The following RALA variants were observed in gnomAD, a reference collection of about 807,000 sequenced individuals.
RALA encodes RAS like proto-oncogene A, also known as ras-related protein Ral-A.
A neutral mutation model predicts 24.0 loss-of-function variants in RALA; 5 were observed. That is an observed-to-expected ratio of 0.21 (90% CI 0.11 to 0.44). RALA has a LOEUF of 0.44. RALA is among the 20% of genes least tolerant of loss of function. The pLI, the probability that RALA is intolerant of heterozygous loss-of-function variation, is 0.99. For missense variants in RALA, 95 were observed against 241.2 expected, an observed-to-expected ratio of 0.39 and a Z score of 4.01; for synonymous variants, 77 against 83.8, an observed-to-expected ratio of 0.92 and a Z score of 0.44.
At chr7:39,703,763 T>G (rs2115560535) in intron 4 of RALA, among the ~76,000 whole-genome samples, 1 of 152,350 alleles carries the variant, frequency 6.6e-6, no homozygotes, top group Non-Finnish European at 1.5e-5. Context: ...TACTTGTATC[T>G]TTTCTCTTAC....
chr7:39,650,383 C>T (rs1476298882), intron 1 of RALA, among the ~76,000 whole-genome samples: 1 of 152,114 alleles, frequency 6.6e-6, no homozygotes, highest in Non-Finnish European at 1.5e-5. Flanking sequence ...AGTAGTGCTG[C>T]AGAGAAGCCT....
At chr7:39,646,504 G>A (rs1791925226) in intron 1 of RALA, among the ~76,000 whole-genome samples, 1 of 151,908 alleles carries the variant, frequency 6.6e-6, no homozygotes, top group Non-Finnish European at 1.5e-5. Flanking sequence ...CACATCTGTG[G>A]TCCCAGCTAC....
At chr7:39,676,844 C>T (rs1324212519) in intron 1 of RALA, among the ~76,000 whole-genome samples, 1 of 152,032 alleles carries the variant, frequency 6.6e-6, no homozygotes, top group African/African-American at 2.4e-5. Flanking sequence ...GATCTGTGGT[C>T]CGAAGCTCCT....
chr7:39,649,803 C>T (rs1392520538), intron 1 of RALA, among the ~76,000 whole-genome samples: 1 of 152,024 alleles, frequency 6.6e-6, no homozygotes, highest in Non-Finnish European at 1.5e-5. Context: ...AAAAGAGAAG[C>T]CATAATGACT....
intron 1 of RALA, among the ~76,000 whole-genome samples, chr7:39,650,973 G>C (rs970781076): frequency 2.0e-5 from 3 of 152,216 alleles, no homozygotes; most frequent in Non-Finnish European, 2.9e-5. Flanking sequence ...TAATGAGACA[G>C]AGTGCCCAGG....
chr7:39,666,378 C>T lies in RALA; in HGVS notation c.-37-20253C>T, dbSNP rs575867017. Among the ~76,000 whole-genome samples the T allele has an allele frequency of 5.9e-5, 9 of 152,206 alleles. No individual in the cohort carries two copies. In the East Asian group the frequency reaches 1.7e-3, roughly 29 times the overall value. On this transcript the variant is annotated intron_variant, in intron 1 of 4. Transcript: ENST00000005257. ...CCTGTGTGTGTTGGAAGGTGATGAA[C>T]TCAAATGGTAGGATTAGGCGTATTC...
intron 1 of RALA, among the ~76,000 whole-genome samples, chr7:39,638,912 C>G (rs1165428454): frequency 2.0e-5 from 3 of 152,162 alleles, no homozygotes; most frequent in Admixed American, 6.5e-5. Context: ...TTGTATGGTA[C>G]ATTTATGTTT....
intron 1 of RALA, among the ~76,000 whole-genome samples, chr7:39,633,650 G>A (rs1211486562): frequency 6.6e-6 from 1 of 152,186 alleles, no homozygotes; most frequent in African/African-American, 2.4e-5. Flanking sequence ...TTTGTAATTA[G>A]ATGAGTTTAT....
At chr7:39,689,254 A>G (rs922598553) in intron 2 of RALA, among the ~76,000 whole-genome samples, 13 of 152,134 alleles carry the variant, frequency 8.5e-5, no homozygotes, top group African/African-American at 2.7e-4. Context: ...CAGCCTCCCT[A>G]ACTGCTGGCA....
At chr7:39,634,529 CT>C (rs1791653083) in intron 1 of RALA, among the ~76,000 whole-genome samples, 1 of 152,186 alleles carries the variant, frequency 6.6e-6, no homozygotes, top group African/African-American at 2.4e-5. Flanking sequence ...CTTCCATCAT[CT>C]TTCTGCCTAA....
intron 1 of RALA, among the ~76,000 whole-genome samples, chr7:39,685,861 G>A (rs1450734327): frequency 2.0e-5 from 3 of 152,180 alleles, no homozygotes; most frequent in South Asian, 4.1e-4. Flanking sequence ...GAGGCATGAT[G>A]TAGTAAACAC....
At chr7:39,651,849 GT>G (rs1250136797) in intron 1 of RALA, among the ~76,000 whole-genome samples, 2 of 152,148 alleles carry the variant, frequency 1.3e-5, no homozygotes, top group African/African-American at 4.8e-5. Context: ...TTAAACGACT[GT>G]TTTATGGTTC....
intron 1 of RALA, among the ~76,000 whole-genome samples, chr7:39,675,756 A>G (rs966066914): frequency 1.3e-5 from 2 of 151,426 alleles, no homozygotes; most frequent in Non-Finnish European, 2.9e-5. Flanking sequence ...AAAAAAAAAA[A>G]AAAAACTGTA....
intron 2 of RALA, among the ~76,000 whole-genome samples, chr7:39,690,054 G>C (rs768856567): frequency 5.9e-5 from 9 of 152,194 alleles, no homozygotes; most frequent in African/African-American, 2.2e-4. Flanking sequence ...TTTATATTCA[G>C]AGTTACATAG....
intron 1 of RALA, among the ~76,000 whole-genome samples, chr7:39,647,286 A>G (rs983735480): frequency 3.3e-5 from 5 of 151,402 alleles, no homozygotes; most frequent in Non-Finnish European, 7.4e-5. Flanking sequence ...CAAGTGGTAC[A>G]CCCCCCTTGA....
At chr7:39,686,070 G>A (rs554300752) in intron 1 of RALA, among the ~76,000 whole-genome samples, 2 of 152,242 alleles carry the variant, frequency 1.3e-5, no homozygotes, top group African/African-American at 2.4e-5. Context: ...GCCAAGCATG[G>A]TGGTGCGCGC....
chr7:39,674,213 G>A (rs1792440070), intron 1 of RALA, among the ~76,000 whole-genome samples: 1 of 152,040 alleles, frequency 6.6e-6, no homozygotes, highest in Non-Finnish European at 1.5e-5. Flanking sequence ...CTAAAGCACT[G>A]GGATTACAGA....
At chr7:39,637,340 A>G (rs1474443855) in intron 1 of RALA, among the ~76,000 whole-genome samples, 6 of 152,194 alleles carry the variant, frequency 3.9e-5, no homozygotes, top group Non-Finnish European at 8.8e-5. Flanking sequence ...GATCTTTATT[A>G]TCAGCCAAGA....
At chr7:39,671,028 T>G (rs1792373193) in intron 1 of RALA, among the ~76,000 whole-genome samples, 1 of 152,154 alleles carries the variant, frequency 6.6e-6, no homozygotes, top group African/African-American at 2.4e-5. Context: ...AAATTCTCGC[T>G]TTCCTTTACC....
Sources: allele counts gnomAD v4.1 joint callset (sites outside exome capture counted in the v4.1 genomes callset), GRCh38; gene constraint gnomAD v4.1.1; transcripts MANE v1.5; gene names NCBI Gene and HGNC (gene_info 2026-07-23, HGNC 2026-07-21).